DPY19L3: variants seen among roughly 807,000 people sequenced by gnomAD.
DPY19L3 encodes the protein dpy-19 like C-mannosyltransferase 3.
DPY19L3 carries 51 observed loss-of-function variants against 92.3 expected under a neutral mutation model. That is an observed-to-expected ratio of 0.55 (90% CI 0.44 to 0.70). DPY19L3 has a LOEUF of 0.70. Among genes scored for constraint, DPY19L3 ranks in the 30% least tolerant of loss-of-function variants. The probability of loss-of-function intolerance (pLI) is 0.00; values close to 1 mark genes in which losing one functional copy is unlikely to be tolerated. For synonymous variants in DPY19L3, 309 were observed against 315.2 expected (o/e 0.98, Z 0.21); for missense variants, 706 against 855.9 (o/e 0.82, Z 2.18).
intron 12 of DPY19L3, among the ~76,000 whole-genome samples, 168 bp from the exon 13 acceptor site, chr19:32,463,198 T>C (rs901421460): frequency 6.6e-6 from 1 of 152,328 alleles, no homozygotes. Context: ...ATTGTTACAC[T>C]TTAGCCTCAT....
At position 32,485,634 on chromosome 19, in the gene DPY19L3, C is replaced by CA. The variant is rs1261726293; in HGVS notation, c.*3398dup. On this transcript the variant is annotated 3_prime_UTR_variant, in exon 19 of 19. Transcript: ENST00000392250. Reference sequence around the variant, plus strand: ...GATTTTTAAAATTTAATTCAAATCTCAAAATCAATTAAGTATTCTCAGATC... The same window carrying CA: ...GATTTTTAAAATTTAATTCAAATCTCAAAAATCAATTAAGTATTCTCAGATC... 1.3e-5 allele frequency: 2 copies of CA among 152,196 alleles called. No homozygotes were observed. The highest frequency in any genetic ancestry group is 2.9e-5 in the Non-Finnish European group (2 of 68,030). 9.4% of individuals were successfully genotyped at this position (152,196 alleles called of 1,614,324 possible).
chr19:32,456,375 A>G (rs1487655070), intron 10 of DPY19L3, among the ~76,000 whole-genome samples: 4 of 151,646 alleles, frequency 2.6e-5, no homozygotes, highest in African/African-American at 4.8e-5. Flanking sequence ...AGCTGTCAGT[A>G]TGTTCTTAAA....
intron 3 of DPY19L3, among the ~76,000 whole-genome samples, chr19:32,422,900 A>C (rs1463037870): frequency 6.6e-6 from 1 of 152,198 alleles, no homozygotes; most frequent in Non-Finnish European, 1.5e-5. Flanking sequence ...CTCCACAGTA[A>C]TGTCTAATGG....
At chr19:32,444,423 TAGAA>T (rs966450758) in intron 8 of DPY19L3, among the ~76,000 whole-genome samples, 31 of 151,818 alleles carry the variant, frequency 2.0e-4, no homozygotes, top group African/African-American at 7.5e-4. Context: ...CAAGAAAAAA[TAGAA>T]TGAAACAAAA....
rs796566763 is a variant in DPY19L3 at position 32,419,584 on chromosome 19, C to G, written c.237+8212C>G. Among the ~76,000 whole-genome samples, 30 of 152,170 alleles carry G rather than the reference C, an allele frequency of 2.0e-4. 1 individual carries two copies. The highest frequency in any genetic ancestry group is 6.7e-4 in the African/African-American group (28 of 41,522). ...AAGCAGTCCACCAACCTCAGCCTCC[C>G]AAGTGGTGCCAGCTAATTTTTTCAT... is the stretch of plus-strand genomic sequence containing the variant. On this transcript the variant is annotated intron_variant, in intron 3 of 18. Coordinates refer to ENST00000392250, the MANE Select transcript of DPY19L3 (RefSeq NM_001172774.2).
chr19:32,460,671 C>T (rs561623595), intron 12 of DPY19L3, among the ~76,000 whole-genome samples: 2 of 152,254 alleles, frequency 1.3e-5, no homozygotes, highest in South Asian at 4.1e-4. Flanking sequence ...AATTTTTCAG[C>T]TCCATTATAA....
At chr19:32,427,752 A>G (rs1179428182) in intron 3 of DPY19L3, among the ~76,000 whole-genome samples, 2 of 152,174 alleles carry the variant, frequency 1.3e-5, no homozygotes, top group Admixed American at 6.5e-5. Context: ...GAATTTAACC[A>G]GACAATAAAC....
chr19:32,455,110 ACTTT>A (rs1969825686), intron 10 of DPY19L3, 70 bp downstream of exon 10: 13 of 1,075,688 alleles, frequency 1.2e-5, no homozygotes, highest in South Asian at 4.8e-5. Context: ...AATTTTTGAA[ACTTT>A]CTTTTTCTTT....
chr19:32,472,009 G>A (rs942863323), intron 16 of DPY19L3, among the ~76,000 whole-genome samples: 3 of 150,672 alleles, frequency 2.0e-5, no homozygotes, highest in South Asian at 2.1e-4. Context: ...TGCAGGTGGC[G>A]CTCCACTGCA....
At chr19:32,457,306 T>TAA (rs1385874014) in intron 10 of DPY19L3, among the ~76,000 whole-genome samples, 2 of 152,352 alleles carry the variant, frequency 1.3e-5, no homozygotes, top group East Asian at 3.9e-4. Context: ...CTAGGACTGT[T>TAA]AAGATCTCTT....
At chr19:32,408,422 T>C in intron 2 of DPY19L3, 66 bp downstream of exon 2, 1 of 1,181,636 alleles carries the variant, frequency 8.5e-7, no homozygotes, top group African/African-American at 1.5e-5. Flanking sequence ...AATGTCACTC[T>C]CCAATAGGAT....
chr19:32,430,463 G>T (rs1344338601), intron 3 of DPY19L3, among the ~76,000 whole-genome samples: 1 of 151,988 alleles, frequency 6.6e-6, no homozygotes, highest in African/African-American at 2.4e-5. Flanking sequence ...GGTTTTCTGT[G>T]AAAGGAAGTT....
In DPY19L3 at chr19:32,432,779, ATGC is replaced by A; in HGVS notation, c.305_307del (p.Leu102del). On this transcript the variant is annotated inframe_deletion, in exon 4 of 19. Transcript: ENST00000392250. ...CCTGTATTACTCCTACTACAAGCAG[ATGC>A]TGCAGGCTCCAACCCTCGTGCAAGG... is the stretch of plus-strand genomic sequence containing the variant. 3 of 1,613,892 alleles carry A rather than the reference ATGC, an allele frequency of 1.9e-6. No homozygotes were observed. Among genetic ancestry groups the A allele is most frequent in the Non-Finnish European group, 2.5e-6 (3 of 1,179,916 alleles).
intron 3 of DPY19L3, among the ~76,000 whole-genome samples, chr19:32,422,315 CCTT>C (rs1267713667): frequency 1.3e-5 from 2 of 152,094 alleles, no homozygotes; most frequent in Non-Finnish European, 2.9e-5. Flanking sequence ...AAGGTATGTG[CCTT>C]CTTCAAGGGG....
intron 3 of DPY19L3, among the ~76,000 whole-genome samples, chr19:32,415,099 C>T (rs1191126836): frequency 6.6e-6 from 1 of 152,158 alleles, no homozygotes; most frequent in African/African-American, 2.4e-5. Flanking sequence ...TTAGTGGTAG[C>T]AGTATCACTG....
chr19:32,460,708 G>A (rs1024681175), intron 12 of DPY19L3, among the ~76,000 whole-genome samples: 5 of 152,114 alleles, frequency 3.3e-5, no homozygotes, highest in East Asian at 1.9e-4. Context: ...TGGTATGTGC[G>A]ATCTGTTGTT....
Position 32,480,501 on chromosome 19 carries a change from C to T in DPY19L3, c.1933C>T (p.Arg645Trp), listed in dbSNP as rs1203668758. ...VILEDSICYE[R>W]RHRRGCRLRD... ...CCTGGAAGACAGCATCTGCTACGAGCGGAGGCACCGCCGGGGCTGCCGACT... is the reference window on the plus strand; with the variant it reads ...CCTGGAAGACAGCATCTGCTACGAGTGGAGGCACCGCCGGGGCTGCCGACT... Residue 645 changes from arginine (R) to tryptophan (W), a missense_variant, in exon 18 of 19, where the codon CGG becomes TGG. Arg to Trp is a moderately radical substitution (Grantham distance 101, BLOSUM62 -3). Coordinates refer to ENST00000392250, the MANE Select transcript of DPY19L3 (RefSeq NM_001172774.2). 5.0e-6 allele frequency: 8 copies of T among 1,614,074 alleles called. No homozygotes were observed. Among genetic ancestry groups the T allele is most frequent in the Non-Finnish European group, 6.8e-6 (8 of 1,180,036 alleles).
At chr19:32,424,752 A>T (rs1047777131) in intron 3 of DPY19L3, among the ~76,000 whole-genome samples, 20 of 152,310 alleles carry the variant, frequency 1.3e-4, no homozygotes, top group African/African-American at 4.3e-4. Context: ...GTATATGGAA[A>T]CTCAAGGGAC....
intron 8 of DPY19L3, 37 bp from the exon 9 acceptor site, chr19:32,453,107 TA>T: frequency 3.7e-6 from 6 of 1,610,180 alleles, no homozygotes; most frequent in Non-Finnish European, 5.1e-6. Flanking sequence ...GATCTCTTGG[TA>T]AAATGTCTGT....
Sources: gnomAD v4.1 joint callset for allele counts (sites outside exome capture counted in the v4.1 genomes callset) on GRCh38, gnomAD v4.1.1 for gene constraint, MANE v1.5 for transcripts, NCBI Gene and HGNC (gene_info 2026-07-23, HGNC 2026-07-21) for gene names.